Variants in NF2 observed in about 807,000 individuals in gnomAD.
NF2 encodes NF2, moesin-ezrin-radixin like (MERLIN) tumor suppressor.
Under a neutral mutation model 83.7 loss-of-function variants are expected in NF2, and 8 were observed. That is an observed-to-expected ratio of 0.10 (90% CI 0.06 to 0.17). The LOEUF is 0.17. NF2 is among the 10% of genes least tolerant of loss of function. The probability of loss-of-function intolerance (pLI) is 1.00; values close to 1 mark genes in which losing one functional copy is unlikely to be tolerated. For synonymous variants in NF2, 266 were observed against 269.6 expected, an observed-to-expected ratio of 0.99 and a Z score of 0.13; for missense variants, 533 against 744.4, an observed-to-expected ratio of 0.72 and a Z score of 3.31.
intron 1 of NF2, among the ~76,000 whole-genome samples, chr22:29,615,373 G>A (rs1223483859): frequency 6.6e-6 from 1 of 151,988 alleles, no homozygotes; most frequent in East Asian, 1.9e-4. Context: ...AGAATTTTGA[G>A]ACCAGCCTGG....
At chr22:29,609,880 T>G (rs2064902755) in intron 1 of NF2, among the ~76,000 whole-genome samples, 1 of 152,220 alleles carries the variant, frequency 6.6e-6, no homozygotes, top group South Asian at 2.1e-4. Context: ...TTGTTGTTTC[T>G]CAGTTGTTTT....
chr22:29,625,190 G>A (rs1409674663), intron 1 of NF2, among the ~76,000 whole-genome samples: 1 of 152,118 alleles, frequency 6.6e-6, no homozygotes, highest in Admixed American at 6.5e-5. Context: ...GCCTCCCAAA[G>A]TGTTGGGATT....
Position 29,696,075 on chromosome 22 carries a change from T to C in NF2, c.*1273T>C, listed in dbSNP as rs1601691518. The C allele has an allele frequency of 4.4e-6, 1 of 226,350 alleles. No individual in the cohort carries two copies. The highest frequency in any genetic ancestry group is 8.6e-6 in the Non-Finnish European group (1 of 116,136). The allele number at this position is 226,350 out of a possible 1,614,324, so 14.0% of individuals were successfully genotyped here. The stretch of plus-strand genomic sequence containing the variant: ...CACCTTCTTGCCCTTTCTTTTTTTT[T>C]TTTTTTTTTTTTTTCCGAGATGGAG... On this transcript the variant is annotated 3_prime_UTR_variant, in exon 16 of 16. Coordinates refer to ENST00000338641, the MANE Select transcript of NF2 (RefSeq NM_000268.4).
At chr22:29,612,584 A>G (rs2064980464) in intron 1 of NF2, among the ~76,000 whole-genome samples, 1 of 151,408 alleles carries the variant, frequency 6.6e-6, no homozygotes, top group African/African-American at 2.4e-5. Flanking sequence ...GCAACCTCCC[A>G]TGTTGGCCCC....
At chr22:29,653,444 A>C (rs1182095209) in intron 4 of NF2, among the ~76,000 whole-genome samples, 2 of 45,798 alleles carry the variant, frequency 4.4e-5, no homozygotes, top group Admixed American at 2.0e-4. Flanking sequence ...ACTCTGTCTC[A>C]AAAAAAAAAA....
chr22:29,695,155 A>AC lies in NF2; in HGVS notation c.*353_*354insC, dbSNP rs1315553697. On this transcript the variant is annotated 3_prime_UTR_variant, in exon 16 of 16. Coordinates refer to ENST00000338641, the MANE Select transcript of NF2 (RefSeq NM_000268.4). This position sits in a 1 kb window ranked among gnomAD's most constrained non-coding sequence, Gnocchi z 5.4. Reference sequence around the variant, plus strand: ...CCTCCACCGCCCAGCCTGGGAAGTCATTGTAGGGAGTGAGACACTGAAGCC... The same window carrying AC: ...CCTCCACCGCCCAGCCTGGGAAGTCACTTGTAGGGAGTGAGACACTGAAGCC... 6.5e-6 allele frequency: 3 copies of AC among 462,794 alleles called. No individual in the cohort carries two copies. In the East Asian group the frequency reaches 1.1e-4, roughly 17 times the overall value. The allele number at this position is 462,794 out of a possible 1,614,324, so 28.7% of individuals were successfully genotyped here. A position where few individuals can be genotyped will look rare whatever the true frequency, so the allele number is the denominator to read the frequency against.
chr22:29,645,961 G>A (rs1375053764), intron 4 of NF2, among the ~76,000 whole-genome samples: 2 of 152,148 alleles, frequency 1.3e-5, no homozygotes, highest in Non-Finnish European at 2.9e-5. Context: ...ATGGCTTAAA[G>A]TCTTCATTTG....
intron 8 of NF2, among the ~76,000 whole-genome samples, 160 bp downstream of exon 8, chr22:29,661,499 C>A (rs951782060): frequency 6.6e-6 from 1 of 152,140 alleles, no homozygotes; most frequent in African/African-American, 2.4e-5. Flanking sequence ...CTTTACAGAA[C>A]AGTATTGGCA....
intron 13 of NF2, among the ~76,000 whole-genome samples, chr22:29,675,836 C>T (rs1030739681): frequency 1.7e-4 from 26 of 152,134 alleles, no homozygotes; most frequent in African/African-American, 6.0e-4. Flanking sequence ...CCCATACTTA[C>T]ATTCATGCAC....
intron 1 of NF2, among the ~76,000 whole-genome samples, chr22:29,633,232 G>A (rs988230051): frequency 2.0e-5 from 3 of 152,082 alleles, no homozygotes; most frequent in Non-Finnish European, 2.9e-5. Flanking sequence ...ATGTTTGAAC[G>A]TCTTTACTTG....
At chr22:29,683,641 T>A in intron 15 of NF2, 2 of 1,087,304 alleles carry the variant, frequency 1.8e-6, no homozygotes, top group Non-Finnish European at 1.1e-6. Context: ...CAGGGTCTGA[T>A]ATGTGAGTCC....
At chr22:29,679,050 G>T (rs2067051458) in intron 14 of NF2, among the ~76,000 whole-genome samples, 1 of 152,188 alleles carries the variant, frequency 6.6e-6, no homozygotes, top group Non-Finnish European at 1.5e-5. Context: ...TGTGTCAGGG[G>T]TTTTGGCTTT....
Position 29,696,085 on chromosome 22 carries a change from T to G in NF2, c.*1283T>G, listed in dbSNP as rs1296909954. The G allele has an allele frequency of 4.4e-6, 1 of 226,028 alleles. No individual in the cohort carries two copies. Among genetic ancestry groups the G allele is most frequent in the Non-Finnish European group, 8.6e-6 (1 of 115,904 alleles). The allele number at this position is 226,028 out of a possible 1,614,324, so 14.0% of individuals were successfully genotyped here. ...CCCTTTCTTTTTTTTTTTTTTTTTTTTTTTCCGAGATGGAGTCTCTCTCTG... is the reference window on the plus strand; with the variant it reads ...CCCTTTCTTTTTTTTTTTTTTTTTTGTTTTCCGAGATGGAGTCTCTCTCTG... On this transcript the variant is annotated 3_prime_UTR_variant, in exon 16 of 16. Transcript: ENST00000338641.
intron 11 of NF2, 102 bp from the exon 12 acceptor site, chr22:29,673,167 G>A (rs2066854273): frequency 7.8e-7 from 1 of 1,275,220 alleles, no homozygotes; most frequent in East Asian, 2.5e-5. Context: ...CAGGGCCCCA[G>A]GAGTCCGAGA....
intron 9 of NF2, 103 bp from the exon 10 acceptor site, chr22:29,668,230 A>G: frequency 1.2e-6 from 1 of 800,818 alleles, no homozygotes; most frequent in Admixed American, 2.0e-5. Flanking sequence ...CTTCACGTTT[A>G]CTGCTACCTG....
Position 29,614,443 on chromosome 22 carries a change from G to A in NF2, c.114+10331G>A, listed in dbSNP as rs189822079. Among the ~76,000 whole-genome samples the A allele has an allele frequency of 2.7e-3, 416 of 151,330 alleles. 5 individuals carry two copies. The highest frequency in any genetic ancestry group is 1.0e-3 in the Non-Finnish European group (71 of 67,764). On this transcript the variant is annotated intron_variant, in intron 1 of 15. Coordinates refer to ENST00000338641, the MANE Select transcript of NF2 (RefSeq NM_000268.4). The stretch of plus-strand genomic sequence containing the variant: ...AATACAAAAACAAAATTAGCTGGGC[G>A]TGGTGGCGGGCGCCTGTAGTCCCAG...
rs79142348 is a variant in NF2, at chr22:29,659,349, A to T, written c.675+1085A>T. 3.6e-3 allele frequency among the ~76,000 whole-genome samples: 545 copies of T among 152,266 alleles called. 3 individuals carry two copies. The highest frequency in any genetic ancestry group is 0.013 in the African/African-American group (527 of 41,546). On this transcript the variant is annotated intron_variant, in intron 7 of 15. Transcript: ENST00000338641. ...GAAAACAGTTTTTTTGGTTTTTAAA[A>T]ATCTTTTTTGTTTTTTAGAGGTGGA...
intron 10 of NF2, among the ~76,000 whole-genome samples, chr22:29,670,895 A>G (rs1286670490): frequency 6.6e-6 from 1 of 152,134 alleles, no homozygotes. Context: ...TTGTCTCCAC[A>G]TGAGGCTGTG....
At chr22:29,610,656 A>G (rs950804454) in intron 1 of NF2, among the ~76,000 whole-genome samples, 5 of 151,894 alleles carry the variant, frequency 3.3e-5, no homozygotes, top group African/African-American at 1.2e-4. Flanking sequence ...AAAAAAAAAA[A>G]AAGAAGAAAG....
Sources: allele counts gnomAD v4.1 joint callset (sites outside exome capture counted in the v4.1 genomes callset), GRCh38; gene constraint gnomAD v4.1.1; non-coding constraint Gnocchi (gnomAD v3.1); transcripts MANE v1.5; gene names NCBI Gene and HGNC (gene_info 2026-07-23, HGNC 2026-07-21).